UBE2F: variants seen among roughly 807,000 people sequenced by gnomAD.
UBE2F encodes the protein NEDD8-conjugating enzyme UBE2F.
Under a neutral mutation model 29.6 loss-of-function variants are expected in UBE2F, and 5 were observed. The ratio of observed to expected loss-of-function variants is 0.17; its 90% CI spans 0.09 to 0.36. The LOEUF is 0.36. UBE2F is among the 10% of genes least tolerant of loss of function. The pLI is 1.00. For missense variants in UBE2F, 141 were observed against 228.5 expected (o/e 0.62, Z 2.47); for synonymous variants, 66 against 81.8 (o/e 0.81, Z 1.04).
At chr2:238,033,616 C>A (rs1426516821) in intron 8 of UBE2F, among the ~76,000 whole-genome samples, 1 of 152,200 alleles carries the variant, frequency 6.6e-6, no homozygotes, top group Non-Finnish European at 1.5e-5. Context: ...TTCTTATCTT[C>A]AGCAAAAGCA....
intron 6 of UBE2F, among the ~76,000 whole-genome samples, chr2:238,028,111 T>C (rs1209180163): frequency 6.6e-6 from 1 of 152,252 alleles, no homozygotes. Flanking sequence ...TTGCTGGGAC[T>C]ATCCTCTGTG....
At chr2:237,987,606 A>G (rs1425186179) in intron 2 of UBE2F, among the ~76,000 whole-genome samples, 3 of 152,236 alleles carry the variant, frequency 2.0e-5, no homozygotes, top group Non-Finnish European at 4.4e-5. Context: ...CATAGACACA[A>G]GGTGCATATA....
rs536651487 is a variant in UBE2F, at chr2:237,994,484, G to T, written c.149-260G>T. Among the ~76,000 whole-genome samples the T allele has an allele frequency of 8.5e-5, 13 of 152,274 alleles. No homozygotes were observed. In the East Asian group the frequency reaches 2.5e-3, roughly 29 times the overall value. On this transcript the variant is annotated intron_variant, in intron 3 of 9. Coordinates refer to ENST00000272930, the MANE Select transcript of UBE2F (RefSeq NM_080678.3). ...ATAAATGGTTTAGTGACCACTTAAA[G>T]GTTGAAGGAAAACATCTCTATTTGG...
At chr2:238,030,993 C>T (rs750358399) in intron 7 of UBE2F, among the ~76,000 whole-genome samples, 20 of 152,228 alleles carry the variant, frequency 1.3e-4, no homozygotes, top group Non-Finnish European at 2.5e-4. Flanking sequence ...ATGTGCAAAC[C>T]ACTCCCTATG....
chr2:237,968,041 G>A (rs554238550), intron 1 of UBE2F, among the ~76,000 whole-genome samples: 1 of 152,248 alleles, frequency 6.6e-6, no homozygotes, highest in Admixed American at 6.5e-5. Context: ...ATTCGTTTGT[G>A]AAGGGAAGGA....
At position 238,041,416 on chromosome 2, in the gene UBE2F, TC is replaced by T; in HGVS notation, c.*81del. On this transcript the variant is annotated 3_prime_UTR_variant, in exon 10 of 10. Coordinates refer to ENST00000272930, the MANE Select transcript of UBE2F (RefSeq NM_080678.3). ...TGAAACAGCAAGAGGTAGCCCCCTCTCCCGTCCTCATGCTCCCTCTCAGTCC... is the reference window on the plus strand; with the variant it reads ...TGAAACAGCAAGAGGTAGCCCCCTCTCCGTCCTCATGCTCCCTCTCAGTCC... 6.7e-7 allele frequency: 1 copy of T among 1,498,486 alleles called. No homozygotes were observed. Among genetic ancestry groups the T allele is most frequent in the Non-Finnish European group, 9.3e-7 (1 of 1,078,588 alleles). 92.8% of individuals were successfully genotyped at this position (1,498,486 alleles called of 1,614,324 possible).
chr2:237,983,689 ACATTTGCGTCTT>A (rs1221384794), intron 2 of UBE2F, among the ~76,000 whole-genome samples: 1 of 151,506 alleles, frequency 6.6e-6, no homozygotes, highest in Non-Finnish European at 1.5e-5. Context: ...TTTTGACCTC[ACATTTGCGTCTT>A]CACTTCGTAC....
At chr2:238,019,618 G>A (rs552837200) in intron 5 of UBE2F, among the ~76,000 whole-genome samples, 31 of 142,062 alleles carry the variant, frequency 2.2e-4, no homozygotes, top group African/African-American at 6.3e-4. Flanking sequence ...TGCCCGCCAC[G>A]GCCTCCCAAA....
intron 5 of UBE2F, among the ~76,000 whole-genome samples, chr2:238,022,519 T>G (rs915147096): frequency 6.6e-5 from 10 of 152,216 alleles, no homozygotes; most frequent in Admixed American, 2.0e-4. Context: ...CTATACAAGT[T>G]TGGTTTTTTT....
chr2:238,013,231 C>T (rs1250752203), intron 4 of UBE2F, among the ~76,000 whole-genome samples: 1 of 151,854 alleles, frequency 6.6e-6, no homozygotes, highest in Non-Finnish European at 1.5e-5. Context: ...GCACCCCAGC[C>T]TGAGCAATTG....
chr2:238,010,638 G>A (rs367689251), intron 4 of UBE2F, among the ~76,000 whole-genome samples: 5 of 152,126 alleles, frequency 3.3e-5, no homozygotes, highest in African/African-American at 4.8e-5. Context: ...CCCTCAAAGT[G>A]GGGGAACCTC....
At chr2:238,019,761 G>A (rs2064249738) in intron 5 of UBE2F, among the ~76,000 whole-genome samples, 1 of 148,260 alleles carries the variant, frequency 6.7e-6, no homozygotes. Context: ...CTGGATTCAA[G>A]TAATTCTCCT....
chr2:238,007,559 A>G (rs2063934457), intron 4 of UBE2F, among the ~76,000 whole-genome samples: 1 of 152,006 alleles, frequency 6.6e-6, no homozygotes. Context: ...TTTCCTCCCA[A>G]ACCAAAAATG....
At chr2:237,979,439 G>A (rs987406997) in intron 2 of UBE2F, among the ~76,000 whole-genome samples, 1 of 152,250 alleles carries the variant, frequency 6.6e-6, no homozygotes, top group Admixed American at 6.5e-5. Context: ...AGAAAGAGAA[G>A]CATTTACTAT....
intron 9 of UBE2F, among the ~76,000 whole-genome samples, chr2:238,038,817 A>G (rs924437406): frequency 1.3e-5 from 2 of 152,230 alleles, no homozygotes; most frequent in African/African-American, 4.8e-5. Flanking sequence ...CCACTCGTTC[A>G]TCACTTATTT....
chr2:237,988,558 G>A (rs749928704), intron 3 of UBE2F, among the ~76,000 whole-genome samples: 15 of 150,956 alleles, frequency 9.9e-5, no homozygotes, highest in Middle Eastern at 6.8e-3. Context: ...GGAGGTTGCA[G>A]TGAGCCAAGA....
In UBE2F at chr2:237,967,621, A is replaced by G. The variant is rs1340613501; in HGVS notation, c.-17+489A>G. Among the ~76,000 whole-genome samples the G allele has an allele frequency of 6.6e-6, 1 of 152,122 alleles. No homozygotes were observed. The highest frequency in any genetic ancestry group is 2.4e-5 in the African/African-American group (1 of 41,430). On this transcript the variant is annotated intron_variant, in intron 1 of 9. Transcript: ENST00000272930. This position sits in a 1 kb window ranked among gnomAD's most constrained non-coding sequence, Gnocchi z 6.3. ...TCCCGATCGGGGCAGGAGTCGCGCTAGGCCGTGAGGAGCGGGGGAGGTGAG... is the reference window on the plus strand; with the variant it reads ...TCCCGATCGGGGCAGGAGTCGCGCTGGGCCGTGAGGAGCGGGGGAGGTGAG...
At chr2:238,035,661 C>T (rs2064691774) in intron 8 of UBE2F, 1 of 514,118 alleles carries the variant, frequency 1.9e-6, no homozygotes, top group African/African-American at 1.9e-5. Context: ...ATATCTCTGA[C>T]TTCTTTCAGT....
chr2:238,039,267 A>T (rs890781123), intron 9 of UBE2F, among the ~76,000 whole-genome samples: 6 of 152,182 alleles, frequency 3.9e-5, no homozygotes, highest in African/African-American at 2.4e-5. Flanking sequence ...ATTAAAATTT[A>T]AAAAAATAGG....
Sources: allele counts gnomAD v4.1 joint callset (sites outside exome capture counted in the v4.1 genomes callset), GRCh38; gene constraint gnomAD v4.1.1; non-coding constraint Gnocchi (gnomAD v3.1); transcripts MANE v1.5; gene names NCBI Gene and HGNC (gene_info 2026-07-23, HGNC 2026-07-21).